Variants in DGKB observed in about 807,000 individuals in gnomAD.
The protein encoded by DGKB is diacylglycerol kinase beta.
Under a neutral mutation model 114.3 loss-of-function variants are expected in DGKB, and 67 were observed. The observed-to-expected ratio is 0.59, with a 90% confidence interval of 0.48 to 0.72. The LOEUF is 0.72. Ranked by LOEUF, DGKB falls within the 30% of genes least tolerant of loss-of-function variation. DGKB has a pLI of 0.00. For missense variants in DGKB, 907 were observed against 975.2 expected, an observed-to-expected ratio of 0.93 and a Z score of 0.93; for synonymous variants, 398 against 323.1, an observed-to-expected ratio of 1.23 and a Z score of -2.49.
At chr7:14,647,566 G>A (rs987660663) in intron 13 of DGKB, among the ~76,000 whole-genome samples, 3 of 152,110 alleles carry the variant, frequency 2.0e-5, no homozygotes, top group African/African-American at 7.2e-5. Context: ...ATGAATATGG[G>A]TGTAAAAATC....
rs572073210 is a variant in DGKB at position 14,510,947 on chromosome 7, T to C, written c.1771-32722A>G. On this transcript the variant is annotated intron_variant, in intron 20 of 25. Coordinates refer to ENST00000402815, the MANE Select transcript of DGKB (RefSeq NM_001350709.2). ...TTTTCTGAGCAGTAGGTCTCAACAGTAGGATGAAAATATTCAGTAAACAAT... is the reference window on the plus strand; with the variant it reads ...TTTTCTGAGCAGTAGGTCTCAACAGCAGGATGAAAATATTCAGTAAACAAT... 5.9e-5 allele frequency among the ~76,000 whole-genome samples: 9 copies of C among 152,290 alleles called. 1 individual carries two copies. In the South Asian group the frequency reaches 1.9e-3, roughly 32 times the overall value.
At chr7:14,546,334 A>G (rs1477859439) in intron 20 of DGKB, among the ~76,000 whole-genome samples, 1 of 152,092 alleles carries the variant, frequency 6.6e-6, no homozygotes, top group African/African-American at 2.4e-5. Flanking sequence ...TCTCTTTACT[A>G]TGCAGAACAT....
chr7:14,697,768 GAAAC>G (rs773024771), intron 8 of DGKB, among the ~76,000 whole-genome samples: 2,355 of 121,468 alleles, frequency 0.019, 64 homozygotes, highest in African/African-American at 0.063. Flanking sequence ...AAGAAAGAAA[GAAAC>G]AAAGAGAAAG....
At chr7:14,892,704 G>C (rs529833505) in intron 1 of DGKB, among the ~76,000 whole-genome samples, 2 of 150,972 alleles carry the variant, frequency 1.3e-5, no homozygotes, top group African/African-American at 2.4e-5. Context: ...TCTCCACCTT[G>C]TTCAAACTCT....
chr7:14,957,215 G>T (rs989554390), intron 1 of DGKB, among the ~76,000 whole-genome samples: 3 of 151,932 alleles, frequency 2.0e-5, no homozygotes, highest in Non-Finnish European at 4.4e-5. Flanking sequence ...TCCCCAGACA[G>T]AATTTGAACA....
chr7:14,267,117 G>A (rs1326394305), intron 23 of DGKB, among the ~76,000 whole-genome samples: 2 of 152,112 alleles, frequency 1.3e-5, no homozygotes, highest in South Asian at 2.1e-4. Context: ...GTTTTTTGAT[G>A]TTTTTTCTAT....
chr7:14,720,057 A>T (rs769741489), intron 5 of DGKB, among the ~76,000 whole-genome samples: 15 of 152,064 alleles, frequency 9.9e-5, no homozygotes, highest in Non-Finnish European at 1.8e-4. Flanking sequence ...ATAAAAGTGT[A>T]AGAAAAATAA....
intron 20 of DGKB, among the ~76,000 whole-genome samples, chr7:14,544,832 G>A (rs118080533): frequency 0.014 from 2,136 of 151,940 alleles, 23 homozygotes; most frequent in Non-Finnish European, 0.021. Context: ...CTCCATCTTT[G>A]CTTTCCAGGC....
At chr7:14,149,769 A>AAAG (rs1232948259) in intron 25 of DGKB, among the ~76,000 whole-genome samples, 2 of 151,468 alleles carry the variant, frequency 1.3e-5, no homozygotes, top group East Asian at 3.9e-4. Flanking sequence ...ATGAAAGTTA[A>AAAG]AAGTTAACAT....
chr7:14,224,879 C>T (rs1043635080), intron 23 of DGKB, among the ~76,000 whole-genome samples: 1 of 152,030 alleles, frequency 6.6e-6, no homozygotes, highest in Admixed American at 6.6e-5. Flanking sequence ...TTGTTTTTAA[C>T]AATGCCCTGG....
chr7:14,635,615 T>C (rs183862964), intron 13 of DGKB, among the ~76,000 whole-genome samples: 1 of 151,622 alleles, frequency 6.6e-6, no homozygotes, highest in Non-Finnish European at 1.5e-5. Flanking sequence ...CTATTGACTA[T>C]TTTTTCAGAT....
intron 20 of DGKB, among the ~76,000 whole-genome samples, chr7:14,498,598 G>A (rs1785649454): frequency 6.6e-6 from 1 of 151,642 alleles, no homozygotes; most frequent in African/African-American, 2.4e-5. Context: ...TCAATTGAAG[G>A]TAATTTTGGG....
chr7:14,939,487 AT>A (rs1215608577), intron 1 of DGKB, among the ~76,000 whole-genome samples: 1 of 152,166 alleles, frequency 6.6e-6, no homozygotes, highest in Non-Finnish European at 1.5e-5. Context: ...ACTCTTGGAA[AT>A]TGAGCACTCT....
At chr7:14,655,640 T>A (rs28851505) in intron 13 of DGKB, among the ~76,000 whole-genome samples, 1 of 151,700 alleles carries the variant, frequency 6.6e-6, no homozygotes, top group Admixed American at 6.6e-5. Context: ...AACCTAAATG[T>A]CCATCAATAG....
At chr7:14,915,414 T>G (rs1164756568) in intron 1 of DGKB, among the ~76,000 whole-genome samples, 2 of 152,040 alleles carry the variant, frequency 1.3e-5, no homozygotes, top group Non-Finnish European at 2.9e-5. Context: ...CAAGAAAAAT[T>G]TGTTGATGTT....
At chr7:14,848,485 C>T (rs1488378600) in intron 1 of DGKB, among the ~76,000 whole-genome samples, 1 of 152,000 alleles carries the variant, frequency 6.6e-6, no homozygotes, top group Admixed American at 6.6e-5. Context: ...AAGCTTAGAG[C>T]TAAGATAAGA....
intron 2 of DGKB, among the ~76,000 whole-genome samples, chr7:14,832,916 T>A (rs1846627188): frequency 6.6e-6 from 1 of 152,150 alleles, no homozygotes. Context: ...ATCGAATTTA[T>A]ATCTCAATCT....
chr7:14,703,058 T>TAAATG (rs10657826), intron 6 of DGKB, among the ~76,000 whole-genome samples: 145,779 of 152,078 alleles, frequency 0.96, 70,064 homozygotes, highest in East Asian at 1. Context: ...ATACAGTCAA[T>TAAATG]AAATAAAATG....
At chr7:14,698,320 G>T (rs1279555540) in intron 7 of DGKB, among the ~76,000 whole-genome samples, 151 bp from the exon 8 acceptor site, 2 of 152,034 alleles carry the variant, frequency 1.3e-5, no homozygotes, top group Non-Finnish European at 2.9e-5. Context: ...CTTTTTAAAG[G>T]TCTAATTAAC....
Sources: gnomAD v4.1 joint callset for allele counts (sites outside exome capture counted in the v4.1 genomes callset) on GRCh38, gnomAD v4.1.1 for gene constraint, MANE v1.5 for transcripts, NCBI Gene and HGNC (gene_info 2026-07-23, HGNC 2026-07-21) for gene names.